Variants in PTPN4 observed in about 807,000 individuals in gnomAD.
PTPN4 encodes the protein protein tyrosine phosphatase non-receptor type 4, also known as tyrosine-protein phosphatase non-receptor type 4.
A neutral mutation model predicts 135.5 loss-of-function variants in PTPN4; 49 were observed. The observed-to-expected ratio is 0.36, with a 90% confidence interval of 0.29 to 0.46. The LOEUF (loss-of-function observed/expected upper bound fraction) is 0.46. PTPN4 is among the 20% of genes least tolerant of loss of function. PTPN4 has a pLI of 1.00. For missense variants in PTPN4, 860 were observed against 1,101.0 expected, an observed-to-expected ratio of 0.78 and a Z score of 3.10; for synonymous variants, 333 against 369.9, an observed-to-expected ratio of 0.90 and a Z score of 1.14.
intron 19 of PTPN4, among the ~76,000 whole-genome samples, chr2:119,953,705 C>T (rs1296773616): frequency 2.0e-5 from 3 of 152,046 alleles, no homozygotes; most frequent in African/African-American, 7.2e-5. Context: ...TGCACCTAGG[C>T]TCTTTTGTAT....
At chr2:119,926,162 T>G (rs182639410) in intron 12 of PTPN4, among the ~76,000 whole-genome samples, 1 of 152,352 alleles carries the variant, frequency 6.6e-6, no homozygotes, top group East Asian at 1.9e-4. Flanking sequence ...GTAATGAGAA[T>G]GTCTCAAATA....
At chr2:119,780,091 A>T (rs1457870259) in intron 1 of PTPN4, among the ~76,000 whole-genome samples, 1 of 152,094 alleles carries the variant, frequency 6.6e-6, no homozygotes, top group Non-Finnish European at 1.5e-5. Flanking sequence ...TTTTATTTTG[A>T]ATAATATCAT....
chr2:119,811,788 A>C (rs1053124230), intron 2 of PTPN4, among the ~76,000 whole-genome samples: 1 of 152,118 alleles, frequency 6.6e-6, no homozygotes, highest in Admixed American at 6.6e-5. Context: ...TTTTCTGTTG[A>C]GCACTTTAGT....
chr2:119,800,102 AG>A (rs1334345564), intron 1 of PTPN4, among the ~76,000 whole-genome samples: 1 of 152,182 alleles, frequency 6.6e-6, no homozygotes, highest in African/African-American at 2.4e-5. Context: ...ATTGCTTTAA[AG>A]AGCCTTTTGT....
In PTPN4 at chr2:119,881,878, A is replaced by G. The variant is rs1678085289; in HGVS notation, c.413+48A>G. On this transcript the variant is annotated intron_variant, in intron 6 of 26. Coordinates refer to ENST00000263708, the MANE Select transcript of PTPN4 (RefSeq NM_002830.4). ...AAAATTTTTTGTAATGGACTTTAAA[A>G]ATACTTTTTAAATCTGTGTTAAGTA... 3.7e-6 allele frequency: 5 copies of G among 1,364,520 alleles called. No homozygotes were observed. In the East Asian group the frequency reaches 1.2e-4, roughly 31 times the overall value. 84.5% of individuals were successfully genotyped at this position (1,364,520 alleles called of 1,614,324 possible).
intron 19 of PTPN4, among the ~76,000 whole-genome samples, chr2:119,954,218 C>A (rs1426597584): frequency 2.0e-5 from 3 of 152,100 alleles, no homozygotes; most frequent in Non-Finnish European, 4.4e-5. Context: ...CAAGGAGGAA[C>A]CAGATCTCTT....
chr2:119,822,018 G>A (rs1394215763), intron 2 of PTPN4, among the ~76,000 whole-genome samples: 1 of 151,594 alleles, frequency 6.6e-6, no homozygotes, highest in Non-Finnish European at 1.5e-5. Flanking sequence ...GATTGTGCAT[G>A]AAATCCACCA....
At chr2:119,787,113 A>G (rs1691061082) in intron 1 of PTPN4, among the ~76,000 whole-genome samples, 1 of 152,142 alleles carries the variant, frequency 6.6e-6, no homozygotes, top group African/African-American at 2.4e-5. Context: ...ATGTGTGTGC[A>G]TGGTGGTTCT....
In PTPN4 at chr2:119,844,635, T is replaced by G. The variant is rs532662275; in HGVS notation, c.139-17901T>G. Among the ~76,000 whole-genome samples, 1,302 of 149,410 alleles carry G rather than the reference T, an allele frequency of 8.7e-3. 14 individuals carry two copies. Among genetic ancestry groups the G allele is most frequent in the South Asian group, 0.016 (74 of 4,686 alleles). ...AGATGGGGCAGCGGGGCAGAGGCGCTCCCCACATCTCAGAGGATGGGCGGC... is the reference window on the plus strand; with the variant it reads ...AGATGGGGCAGCGGGGCAGAGGCGCGCCCCACATCTCAGAGGATGGGCGGC... On this transcript the variant is annotated intron_variant, in intron 2 of 26. Transcript: ENST00000263708.
intron 2 of PTPN4, among the ~76,000 whole-genome samples, chr2:119,844,349 ACC>A (rs368879771): frequency 0.035 from 3,946 of 113,802 alleles, 185 homozygotes; most frequent in African/African-American, 0.071. Flanking sequence ...CGGGGGGCTG[ACC>A]CCCCCCCCCC....
intron 12 of PTPN4, among the ~76,000 whole-genome samples, chr2:119,921,346 G>A (rs1678734413): frequency 6.6e-6 from 1 of 152,104 alleles, no homozygotes; most frequent in Non-Finnish European, 1.5e-5. Flanking sequence ...ATTAATTCAT[G>A]TTATATGTTC....
rs1367627987 is a variant in PTPN4 at position 119,978,650 on chromosome 2, C to T, written c.*1580C>T. 4.6e-5 allele frequency: 7 copies of T among 152,004 alleles called. No homozygotes were observed. Among genetic ancestry groups the T allele is most frequent in the Non-Finnish European group, 8.8e-5 (6 of 67,948 alleles). 9.4% of individuals were successfully genotyped at this position (152,004 alleles called of 1,614,324 possible). A position where few individuals can be genotyped will look rare whatever the true frequency, so the allele number is the denominator to read the frequency against. On this transcript the variant is annotated 3_prime_UTR_variant, in exon 27 of 27. Transcript: ENST00000263708. ...AGTTTGATAAAAGTGAAAATTTGCT[C>T]ACCTATACAAATGTTATTTTACACA...
intron 26 of PTPN4, among the ~76,000 whole-genome samples, chr2:119,973,655 G>GTTTATTTTTTTTT (rs1679568962): frequency 2.6e-5 from 1 of 38,394 alleles, no homozygotes; most frequent in African/African-American, 1.3e-4. Context: ...TTCATTTCTT[G>GTTTATTTTTTTTT]TTTTTTTTTT....
chr2:119,844,748 A>T (rs895995033), intron 2 of PTPN4, among the ~76,000 whole-genome samples: 1 of 141,900 alleles, frequency 7.0e-6, no homozygotes, highest in African/African-American at 2.7e-5. Flanking sequence ...GGCCGGGCGG[A>T]GACGCTCCTC....
At chr2:119,827,147 T>A (rs1418435224) in intron 2 of PTPN4, among the ~76,000 whole-genome samples, 1 of 152,210 alleles carries the variant, frequency 6.6e-6, no homozygotes, top group Non-Finnish European at 1.5e-5. Context: ...CACATTTGCT[T>A]CCTAAGTTGA....
At chr2:119,881,491 C>A (rs572476445) in intron 5 of PTPN4, among the ~76,000 whole-genome samples, 1 of 152,308 alleles carries the variant, frequency 6.6e-6, no homozygotes, top group East Asian at 1.9e-4. Flanking sequence ...TACCAACCCT[C>A]AAGAGTATTT....
chr2:119,760,236 G>A lies in PTPN4; in HGVS notation c.-166G>A, dbSNP rs991143093. 3 of 396,734 alleles carry A rather than the reference G, an allele frequency of 7.6e-6. No homozygotes were observed. 24.6% of individuals were successfully genotyped at this position (396,734 alleles called of 1,614,324 possible). A position where few individuals can be genotyped will look rare whatever the true frequency, so the allele number is the denominator to read the frequency against. ...GCATGAGGTGGTGCTGGCGGCTCCG[G>A]GTCGTGGCGCGACCGCTGCGGCGGC... On this transcript the variant is annotated 5_prime_UTR_variant, in exon 1 of 27. Coordinates refer to ENST00000263708, the MANE Select transcript of PTPN4 (RefSeq NM_002830.4).
intron 2 of PTPN4, among the ~76,000 whole-genome samples, chr2:119,842,286 T>G (rs556589286): frequency 1.3e-5 from 2 of 152,322 alleles, no homozygotes; most frequent in East Asian, 3.9e-4. Context: ...TCAATAAAAG[T>G]CTTCAAATTA....
intron 15 of PTPN4, among the ~76,000 whole-genome samples, chr2:119,936,546 C>A (rs924583808): frequency 6.6e-6 from 1 of 152,170 alleles, no homozygotes; most frequent in African/African-American, 2.4e-5. Flanking sequence ...CATTTTCTCT[C>A]CTGCCGCCCT....
Sources: allele counts gnomAD v4.1 joint callset (sites outside exome capture counted in the v4.1 genomes callset), GRCh38; gene constraint gnomAD v4.1.1; transcripts MANE v1.5; gene names NCBI Gene and HGNC (gene_info 2026-07-23, HGNC 2026-07-21).